The following TMEM38B variants were observed in gnomAD, a reference collection of about 807,000 sequenced individuals.
TMEM38B encodes trimeric intracellular cation channel type B.
Under a neutral mutation model 28.7 loss-of-function variants are expected in TMEM38B, and 24 were observed. That is an observed-to-expected ratio of 0.84 (90% CI 0.61 to 1.18). The LOEUF is 1.18. TMEM38B is among the 50% of genes most tolerant of loss of function. TMEM38B has a pLI of 0.00. For synonymous variants in TMEM38B, 131 were observed against 127.7 expected, an observed-to-expected ratio of 1.03 and a Z score of -0.17; for missense variants, 380 against 350.9, an observed-to-expected ratio of 1.08 and a Z score of -0.66.
intron 4 of TMEM38B, among the ~76,000 whole-genome samples, chr9:105,724,658 AC>A (rs1245474293): frequency 6.6e-6 from 1 of 152,046 alleles, no homozygotes; most frequent in East Asian, 1.9e-4. Flanking sequence ...GAAAGGCAGT[AC>A]AAGTGATGAA....
intron 5 of TMEM38B, among the ~76,000 whole-genome samples, chr9:105,750,572 C>T (rs1444493801): frequency 5.9e-5 from 9 of 152,096 alleles, no homozygotes. Flanking sequence ...TGAGATTGTG[C>T]CACTGCACTC....
At chr9:105,769,261 A>G (rs889438190) in intron 5 of TMEM38B, among the ~76,000 whole-genome samples, 36 of 152,220 alleles carry the variant, frequency 2.4e-4, no homozygotes, top group Non-Finnish European at 1.5e-5. Flanking sequence ...ATTAATTAAA[A>G]TAACACTGAG....
At chr9:105,735,372 T>G (rs1038742877) in intron 4 of TMEM38B, among the ~76,000 whole-genome samples, 3 of 152,324 alleles carry the variant, frequency 2.0e-5, no homozygotes, top group South Asian at 2.1e-4. Context: ...TTGAAGTTAC[T>G]TCTAGTGGTG....
chr9:105,722,846 T>G (rs952583223), intron 4 of TMEM38B, among the ~76,000 whole-genome samples: 9 of 152,162 alleles, frequency 5.9e-5, no homozygotes, highest in African/African-American at 2.2e-4. Flanking sequence ...GTTTCTCTCC[T>G]TAGAAAACAA....
chr9:105,712,508 T>A (rs941928087), intron 2 of TMEM38B, among the ~76,000 whole-genome samples: 1 of 152,262 alleles, frequency 6.6e-6, no homozygotes, highest in Non-Finnish European at 1.5e-5. Context: ...TAGATCATTA[T>A]ATTCTTCTGT....
At chr9:105,705,834 T>G in intron 2 of TMEM38B, 81 bp downstream of exon 2, 1 of 1,454,506 alleles carries the variant, frequency 6.9e-7, no homozygotes. Context: ...TTTTTTTCTT[T>G]GAACAATATT....
At chr9:105,731,173 G>A (rs920462294) in intron 4 of TMEM38B, among the ~76,000 whole-genome samples, 3 of 151,570 alleles carry the variant, frequency 2.0e-5, no homozygotes, top group African/African-American at 4.8e-5. Context: ...TTGATTTTAG[G>A]TCTTTCCTGC....
At position 105,710,959 on chromosome 9, in the gene TMEM38B, C is replaced by T. The variant is rs1044921016; in HGVS notation, c.269+5206C>T. On this transcript the variant is annotated intron_variant, in intron 2 of 5. Transcript: ENST00000374692. ...CTACCTCTGCGCAAAGCTGGGACCA[C>T]GGTGGTTCTTTCCCGCAAGATCACC... is the stretch of plus-strand genomic sequence containing the variant. 5.9e-5 allele frequency among the ~76,000 whole-genome samples: 9 copies of T among 152,144 alleles called. No individual in the cohort carries two copies. In the East Asian group the frequency reaches 1.2e-3, roughly 20 times the overall value.
intron 4 of TMEM38B, among the ~76,000 whole-genome samples, chr9:105,746,122 T>C (rs1416436288): frequency 6.6e-6 from 1 of 152,182 alleles, no homozygotes; most frequent in Non-Finnish European, 1.5e-5. Flanking sequence ...GTGGAGAAAG[T>C]CATTGGTAGC....
In TMEM38B at chr9:105,773,919, A is replaced by G; in HGVS notation, c.715A>G (p.Thr239Ala). ...STMTFAPFEDTLSWMLFGWQQ... is the reference protein window; with the variant it reads ...STMTFAPFEDALSWMLFGWQQ... ...TATGACATTTGCTCCTTTTGAGGAT[A>G]CATTGAGTTGGATGCTATTTGGCTG... The change falls in exon 6 of 6, where the codon ACA becomes GCA. Residue 239 changes from threonine to alanine, a missense_variant. Thr to Ala is a moderately conservative substitution (Grantham distance 58, BLOSUM62 0). Transcript: ENST00000374692. 6.2e-7 allele frequency: 1 copy of G among 1,613,794 alleles called. No individual in the cohort carries two copies. Among genetic ancestry groups the G allele is most frequent in the East Asian group, 2.2e-5 (1 of 44,882 alleles).
At chr9:105,735,174 A>G (rs1163578288) in intron 4 of TMEM38B, among the ~76,000 whole-genome samples, 1 of 152,148 alleles carries the variant, frequency 6.6e-6, no homozygotes, top group African/African-American at 2.4e-5. Flanking sequence ...ACATAAAAGT[A>G]CTCTAGACAT....
rs954045308 is a variant in TMEM38B, at chr9:105,775,092, G to A, written c.*1012G>A. 3 of 151,868 alleles carry A rather than the reference G, an allele frequency of 2.0e-5. No individual in the cohort carries two copies. The highest frequency in any genetic ancestry group is 4.4e-5 in the Non-Finnish European group (3 of 67,916). 9.4% of individuals were successfully genotyped at this position (151,868 alleles called of 1,614,324 possible). Reference sequence around the variant, plus strand: ...AGTTGAATATCTCTGACAAGCTTTCGTATGGTTTTGTTATATTTTCATCTA... The same window carrying A: ...AGTTGAATATCTCTGACAAGCTTTCATATGGTTTTGTTATATTTTCATCTA... On this transcript the variant is annotated 3_prime_UTR_variant, in exon 6 of 6. Coordinates refer to ENST00000374692, the MANE Select transcript of TMEM38B (RefSeq NM_018112.3).
intron 5 of TMEM38B, among the ~76,000 whole-genome samples, chr9:105,772,133 T>C (rs906751327): frequency 6.6e-6 from 1 of 152,212 alleles, no homozygotes; most frequent in African/African-American, 2.4e-5. Context: ...TTCCAACTTA[T>C]CTTCCCAGTA....
chr9:105,695,574 C>G (rs545124943), intron 1 of TMEM38B, among the ~76,000 whole-genome samples: 1 of 152,168 alleles, frequency 6.6e-6, no homozygotes, highest in Non-Finnish European at 1.5e-5. Context: ...TGCTCTAATA[C>G]TGCTTTACTT....
At chr9:105,733,421 C>CTTTTTTTTTTTTTTTTTT in intron 4 of TMEM38B, among the ~76,000 whole-genome samples, 1 of 127,856 alleles carries the variant, frequency 7.8e-6, no homozygotes, top group Non-Finnish European at 1.7e-5. Context: ...TTTCTTTTTT[C>CTTTTTTTTTTTTTTTTTT]TTTTTTTTTT....
At chr9:105,767,254 C>G (rs954993784) in intron 5 of TMEM38B, among the ~76,000 whole-genome samples, 11 of 151,812 alleles carry the variant, frequency 7.2e-5, no homozygotes, top group African/African-American at 2.7e-4. Context: ...AATCAGTTGG[C>G]TTGACCTATG....
intron 4 of TMEM38B, among the ~76,000 whole-genome samples, chr9:105,724,784 A>G (rs1358959156): frequency 1.3e-5 from 2 of 152,234 alleles, no homozygotes; most frequent in African/African-American, 4.8e-5. Context: ...ACGATAAGTT[A>G]TAAATAAGAT....
At chr9:105,714,606 CT>C (rs569119398) in intron 2 of TMEM38B, among the ~76,000 whole-genome samples, 1 of 152,284 alleles carries the variant, frequency 6.6e-6, no homozygotes, top group Non-Finnish European at 1.5e-5. Flanking sequence ...TAATTATGAG[CT>C]CATGGACTAA....
At chr9:105,744,453 C>T (rs1045669575) in intron 4 of TMEM38B, among the ~76,000 whole-genome samples, 5 of 152,108 alleles carry the variant, frequency 3.3e-5, no homozygotes, top group East Asian at 1.9e-4. Context: ...GCACTGTCTA[C>T]GTATCCAAGT....
Sources: gnomAD v4.1 joint callset for allele counts (sites outside exome capture counted in the v4.1 genomes callset) on GRCh38, gnomAD v4.1.1 for gene constraint, MANE v1.5 for transcripts, NCBI Gene and HGNC (gene_info 2026-07-23, HGNC 2026-07-21) for gene names.